The following ECT2L variants were observed in gnomAD, a reference collection of about 807,000 sequenced individuals.
The protein encoded by ECT2L is epithelial cell-transforming sequence 2 oncogene-like.
ECT2L carries 126 observed loss-of-function variants against 122.8 expected under a neutral mutation model. That is an observed-to-expected ratio of 1.03 (90% CI 0.89 to 1.19). ECT2L has a LOEUF of 1.19. ECT2L is among the 50% of genes most tolerant of loss of function. The pLI is 0.00. For missense variants in ECT2L, 1,012 were observed against 1,064.1 expected (o/e 0.95, Z 0.68); for synonymous variants, 385 against 381.8 (o/e 1.01, Z -0.10).
chr6:138,878,482 T>C (rs1050265397), intron 14 of ECT2L, among the ~76,000 whole-genome samples: 5 of 152,200 alleles, frequency 3.3e-5, no homozygotes, highest in African/African-American at 1.2e-4. Flanking sequence ...AGTCTCGCTC[T>C]GTTGCCCAGG....
At position 138,903,201 on chromosome 6, in the gene ECT2L, T is replaced by C. The variant is rs1779463975; in HGVS notation, c.*574T>C. On this transcript the variant is annotated 3_prime_UTR_variant, in exon 22 of 22. Coordinates refer to ENST00000541398, the MANE Select transcript of ECT2L (RefSeq NM_001077706.3). ...GGAGAAACCCCGTCTCTACTAAAAA[T>C]ACAAAATTAGCCAGGCATGGTGGCA... 6.6e-6 allele frequency: 1 copy of C among 152,352 alleles called. No homozygotes were observed. Among genetic ancestry groups the C allele is most frequent in the Non-Finnish European group, 1.5e-5 (1 of 68,356 alleles). 9.4% of individuals were successfully genotyped at this position (152,352 alleles called of 1,614,324 possible). A position where few individuals can be genotyped will look rare whatever the true frequency, so the allele number is the denominator to read the frequency against.
chr6:138,885,554 A>G lies in ECT2L; in HGVS notation c.2077A>G (p.Lys693Glu). 6.8e-6 allele frequency: 11 copies of G among 1,614,206 alleles called. No individual in the cohort carries two copies. Among genetic ancestry groups the G allele is most frequent in the Non-Finnish European group, 9.3e-6 (11 of 1,180,022 alleles). Residue 693 changes from lysine (K) to glutamate (E), a missense_variant, in exon 17 of 22, where the codon AAG (lysine) becomes GAG (glutamate). Physicochemically the swap from Lys to Glu is moderately conservative, Grantham distance 56. Transcript: ENST00000541398. ...CCGAACTTTCCTGAAGAGGCATGATAAGACCATTGTTACCAAAATGCTGAG... is the reference window on the plus strand; with the variant it reads ...CCGAACTTTCCTGAAGAGGCATGATGAGACCATTGTTACCAAAATGCTGAG... ...AFRTFLKRHD[K>E]TIVTKMLSLP...
At chr6:138,804,110 C>A (rs556689105) in intron 1 of ECT2L, among the ~76,000 whole-genome samples, 78 of 152,322 alleles carry the variant, frequency 5.1e-4, no homozygotes, top group African/African-American at 1.9e-3. Flanking sequence ...ACAGCGAGAG[C>A]TGTGGAGTGA....
At position 138,851,013 on chromosome 6, in the gene ECT2L, A is replaced by AAAAAAAG. The variant is rs1236905463; in HGVS notation, c.1069+1585_1069+1586insGAAAAAA. 4.0e-3 allele frequency among the ~76,000 whole-genome samples: 593 copies of AAAAAAAG among 148,296 alleles called. 7 individuals carry two copies. Among genetic ancestry groups the AAAAAAAG allele is most frequent in the African/African-American group, 0.014 (561 of 38,794 alleles). ...CCATCTCAAAAAAAAAAAAAAAAAAAAAAAAAAAAAGAGAAAGAGAGAAAG... is the reference window on the plus strand; with the variant it reads ...CCATCTCAAAAAAAAAAAAAAAAAAAAAAAAAGAAAAAAAAAAGAGAAAGAGAGAAAG... On this transcript the variant is annotated intron_variant, in intron 9 of 21. Coordinates refer to ENST00000541398, the MANE Select transcript of ECT2L (RefSeq NM_001077706.3).
intron 1 of ECT2L, among the ~76,000 whole-genome samples, chr6:138,799,378 G>A (rs9495257): frequency 2.0e-5 from 3 of 150,970 alleles, no homozygotes; most frequent in African/African-American, 2.4e-5. Flanking sequence ...CTCAGCCTCC[G>A]GAGTAGCTGG....
Position 138,901,269 on chromosome 6 carries a change from T to C in ECT2L, c.2587+149T>C, listed in dbSNP as rs140131432. 8.0e-4 allele frequency: 673 copies of C among 836,576 alleles called. 9 individuals carry two copies. The East Asian group carries it at 0.018, about 23-fold the overall frequency. 51.8% of individuals were successfully genotyped at this position (836,576 alleles called of 1,614,324 possible). A position where few individuals can be genotyped will look rare whatever the true frequency, so the allele number is the denominator to read the frequency against. ...AATATTAGAATTTCATTAAACAATGTAAACTTTCATCTACTTTTGAAATGG... is the reference window on the plus strand; with the variant it reads ...AATATTAGAATTTCATTAAACAATGCAAACTTTCATCTACTTTTGAAATGG... On this transcript the variant is annotated intron_variant, in intron 21 of 21. Coordinates refer to ENST00000541398, the MANE Select transcript of ECT2L (RefSeq NM_001077706.3).
intron 11 of ECT2L, among the ~76,000 whole-genome samples, chr6:138,862,946 T>C (rs113425654): frequency 9.6e-4 from 146 of 152,360 alleles, no homozygotes; most frequent in African/African-American, 3.3e-3. Flanking sequence ...AAATCATCAT[T>C]TTCAAAAACT....
intron 1 of ECT2L, among the ~76,000 whole-genome samples, chr6:138,803,208 T>C (rs1337046960): frequency 2.6e-5 from 4 of 151,724 alleles, no homozygotes; most frequent in African/African-American, 9.7e-5. Flanking sequence ...GTAACCATGA[T>C]TGTGCCAAAG....
chr6:138,849,907 G>A (rs1562473558), intron 9 of ECT2L, among the ~76,000 whole-genome samples: 1 of 151,356 alleles, frequency 6.6e-6, no homozygotes, highest in Non-Finnish European at 1.5e-5. Flanking sequence ...AAAGAAACAC[G>A]TTACTGTCTT....
intron 20 of ECT2L, among the ~76,000 whole-genome samples, chr6:138,891,065 A>AG (rs201741813): frequency 2.0e-5 from 3 of 152,136 alleles, no homozygotes; most frequent in Non-Finnish European, 2.9e-5. Flanking sequence ...CATGATAGGA[A>AG]GGGGGGATTG....
chr6:138,815,535 A>G (rs1324052788), intron 4 of ECT2L, among the ~76,000 whole-genome samples: 1 of 152,238 alleles, frequency 6.6e-6, no homozygotes, highest in Non-Finnish European at 1.5e-5. Flanking sequence ...GCCCGAGGCC[A>G]ACAATGAGGG....
intron 10 of ECT2L, among the ~76,000 whole-genome samples, chr6:138,855,525 A>G (rs1777583351): frequency 6.6e-6 from 1 of 152,060 alleles, no homozygotes; most frequent in African/African-American, 2.4e-5. Context: ...AAAAGAAAAT[A>G]TGCATAGAAA....
At position 138,862,729 on chromosome 6, in the gene ECT2L, A is replaced by G. The variant is rs1352121716; in HGVS notation, c.1291+10A>G. ...GGCTCTTACCAGCACAGTAAGTGTT[A>G]TGGGAGCTGAGCGCCACGTCCAATA... On this transcript the variant is annotated intron_variant, in intron 11 of 21. Coordinates refer to ENST00000541398, the MANE Select transcript of ECT2L (RefSeq NM_001077706.3). The G allele has an allele frequency of 1.2e-6, 2 of 1,612,526 alleles. No individual in the cohort carries two copies. Among genetic ancestry groups the G allele is most frequent in the Admixed American group, 1.7e-5 (1 of 59,984 alleles).
At chr6:138,833,421 C>T (rs890344760) in intron 4 of ECT2L, among the ~76,000 whole-genome samples, 8 of 152,132 alleles carry the variant, frequency 5.3e-5, no homozygotes, top group Non-Finnish European at 1.0e-4. Context: ...CCCTAGAAGA[C>T]GAATTGTTGG....
chr6:138,898,823 G>A (rs906585237), intron 20 of ECT2L, among the ~76,000 whole-genome samples: 3 of 152,142 alleles, frequency 2.0e-5, no homozygotes, highest in African/African-American at 7.2e-5. Context: ...AAGACCCCCA[G>A]TAGATGGCTG....
intron 20 of ECT2L, among the ~76,000 whole-genome samples, chr6:138,890,311 A>G (rs2128411156): frequency 6.6e-6 from 1 of 152,172 alleles, no homozygotes; most frequent in African/African-American, 2.4e-5. Context: ...ATGTAATAAA[A>G]ATTGATTTGT....
At chr6:138,840,785 G>C (rs1052971991) in intron 5 of ECT2L, among the ~76,000 whole-genome samples, 5 of 151,904 alleles carry the variant, frequency 3.3e-5, no homozygotes, top group Admixed American at 6.6e-5. Context: ...TGATTTTTGA[G>C]TCTGAGACTT....
intron 10 of ECT2L, among the ~76,000 whole-genome samples, chr6:138,858,125 G>T (rs1777686315): frequency 2.0e-5 from 3 of 152,022 alleles, no homozygotes; most frequent in Non-Finnish European, 4.4e-5. Context: ...TGAGATTTTG[G>T]GTGGGGACAC....
chr6:138,882,622 A>G, intron 15 of ECT2L, 102 bp from the exon 16 acceptor site: 2 of 1,385,796 alleles, frequency 1.4e-6, no homozygotes, highest in South Asian at 2.8e-5. Flanking sequence ...ACCCTACCGT[A>G]AAGGACTAGG....
Sources: gnomAD v4.1 joint callset for allele counts (sites outside exome capture counted in the v4.1 genomes callset) on GRCh38, gnomAD v4.1.1 for gene constraint, MANE v1.5 for transcripts, NCBI Gene and HGNC (gene_info 2026-07-23, HGNC 2026-07-21) for gene names.